Variants in LRRC4C observed in about 807,000 individuals in gnomAD.
The protein encoded by LRRC4C is leucine rich repeat containing 4C.
LRRC4C carries 5 observed loss-of-function variants against 33.6 expected under a neutral mutation model. The ratio of observed to expected loss-of-function variants is 0.15; its 90% CI spans 0.08 to 0.31. The LOEUF is 0.31. LRRC4C is among the 10% of genes least tolerant of loss of function. The pLI is 1.00. For synonymous variants in LRRC4C, 329 were observed against 302.0 expected (o/e 1.09, Z -0.93); for missense variants, 560 against 796.7 (o/e 0.70, Z 3.58).
At chr11:40,750,412 T>A (rs902830512) in intron 2 of LRRC4C, among the ~76,000 whole-genome samples, 2 of 151,444 alleles carry the variant, frequency 1.3e-5, no homozygotes, top group Non-Finnish European at 2.9e-5. Context: ...AAAAGAAAAC[T>A]AACAATGATA....
intron 1 of LRRC4C, among the ~76,000 whole-genome samples, chr11:41,032,589 G>T (rs1000747244): frequency 1.3e-5 from 2 of 151,704 alleles, no homozygotes; most frequent in African/African-American, 4.8e-5. Context: ...TTCATCAATG[G>T]GTCTGACTGG....
intron 2 of LRRC4C, among the ~76,000 whole-genome samples, chr11:40,858,024 AAGGGAAG>A (rs1565140791): frequency 2.3e-5 from 3 of 128,332 alleles, no homozygotes; most frequent in African/African-American, 9.1e-5. Flanking sequence ...AAAGGAAGGG[AAGGGAAG>A]GGAAGGGAAG....
chr11:41,018,979 A>G (rs1855775442), intron 1 of LRRC4C, among the ~76,000 whole-genome samples: 1 of 152,172 alleles, frequency 6.6e-6, no homozygotes, highest in Non-Finnish European at 1.5e-5. Flanking sequence ...AAGATATAGA[A>G]TATTTACTTC....
chr11:40,434,257 C>G (rs895262912), intron 3 of LRRC4C, among the ~76,000 whole-genome samples: 1 of 152,110 alleles, frequency 6.6e-6, no homozygotes, highest in Non-Finnish European at 1.5e-5. Context: ...CAGGCAGACA[C>G]AATATATGTT....
chr11:40,330,048 A>T (rs1946289739), intron 3 of LRRC4C, among the ~76,000 whole-genome samples: 1 of 152,120 alleles, frequency 6.6e-6, no homozygotes, highest in Admixed American at 6.5e-5. Flanking sequence ...GCTGGTAGTT[A>T]CTTTCTAACT....
At chr11:41,433,801 ATGTGTGTGTG>A (rs3040493) in intron 1 of LRRC4C, among the ~76,000 whole-genome samples, 1 of 149,370 alleles carries the variant, frequency 6.7e-6, no homozygotes, top group Non-Finnish European at 1.5e-5. Context: ...TCCCATATAT[ATGTGTGTGTG>A]TGTGTGTGTG....
intron 3 of LRRC4C, among the ~76,000 whole-genome samples, chr11:40,592,374 C>T (rs1327732016): frequency 6.6e-6 from 1 of 152,148 alleles, no homozygotes; most frequent in Non-Finnish European, 1.5e-5. Context: ...AGCCCCATTC[C>T]TGGAGTTTCT....
intron 1 of LRRC4C, among the ~76,000 whole-genome samples, chr11:41,416,257 C>T (rs768547316): frequency 6.6e-6 from 1 of 152,048 alleles, no homozygotes; most frequent in African/African-American, 2.4e-5. Flanking sequence ...CACCGTTTTA[C>T]ATGGGAGCTA....
intron 5 of LRRC4C, among the ~76,000 whole-genome samples, chr11:40,222,986 C>T (rs1488969223): frequency 2.8e-5 from 4 of 141,478 alleles, no homozygotes; most frequent in South Asian, 2.1e-4. Context: ...GAACAGTGAG[C>T]GGTCTCATTG....
chr11:40,276,976 T>C (rs1353402693), intron 4 of LRRC4C, among the ~76,000 whole-genome samples: 2 of 152,160 alleles, frequency 1.3e-5, no homozygotes, highest in African/African-American at 4.8e-5. Flanking sequence ...TATCACTATA[T>C]CTCTTCCTGC....
At chr11:40,913,001 C>G (rs1051873438) in intron 2 of LRRC4C, among the ~76,000 whole-genome samples, 4 of 152,170 alleles carry the variant, frequency 2.6e-5, no homozygotes, top group African/African-American at 9.7e-5. Context: ...AGCTAACTAT[C>G]CTAAATATAT....
intron 2 of LRRC4C, among the ~76,000 whole-genome samples, chr11:40,711,467 G>A (rs948715081): frequency 3.9e-5 from 6 of 152,050 alleles, no homozygotes; most frequent in African/African-American, 1.4e-4. Flanking sequence ...TGTATAAATT[G>A]GTTATTAGAA....
intron 1 of LRRC4C, among the ~76,000 whole-genome samples, chr11:40,965,454 C>A (rs932474543): frequency 3.3e-5 from 5 of 152,076 alleles, no homozygotes; most frequent in African/African-American, 1.2e-4. Context: ...ATGCCTATGT[C>A]CTGAATGGTA....
chr11:40,806,593 A>G (rs1591770951), intron 2 of LRRC4C, among the ~76,000 whole-genome samples: 1 of 152,344 alleles, frequency 6.6e-6, no homozygotes, highest in African/African-American at 2.4e-5. Flanking sequence ...AAAACCTGCT[A>G]TTGATGGAAC....
chr11:41,457,001 G>A (rs1190820204), intron 1 of LRRC4C, among the ~76,000 whole-genome samples: 1 of 152,100 alleles, frequency 6.6e-6, no homozygotes, highest in Non-Finnish European at 1.5e-5. Flanking sequence ...TCTATTACTA[G>A]CCTAAAATAA....
At chr11:41,036,712 AT>A (rs1172781776) in intron 1 of LRRC4C, among the ~76,000 whole-genome samples, 1 of 152,218 alleles carries the variant, frequency 6.6e-6, no homozygotes, top group African/African-American at 2.4e-5. Context: ...CAAAGATTTT[AT>A]TTAATTCATT....
Position 40,971,080 on chromosome 11 carries a change from A to G in LRRC4C, c.-495-37357T>C, listed in dbSNP as rs191489235. Reference sequence around the variant, plus strand: ...TGGAAAATTTGCAGCCTGGCCATGCAGTAGAAAAGAAAAACTCAGTTTCTG... The same window carrying G: ...TGGAAAATTTGCAGCCTGGCCATGCGGTAGAAAAGAAAAACTCAGTTTCTG... On this transcript the variant is annotated intron_variant, in intron 1 of 6. Coordinates refer to ENST00000528697, the MANE Select transcript of LRRC4C (RefSeq NM_001258419.2). Among the ~76,000 whole-genome samples the G allele has an allele frequency of 4.6e-5, 7 of 152,332 alleles. No homozygotes were observed. The East Asian group carries it at 1.4e-3, about 29-fold the overall frequency.
intron 1 of LRRC4C, among the ~76,000 whole-genome samples, chr11:41,090,215 A>G (rs1031073768): frequency 3.9e-5 from 6 of 152,136 alleles, no homozygotes; most frequent in Non-Finnish European, 4.4e-5. Flanking sequence ...AGGGAGAGAT[A>G]TAAAGAGTAT....
intron 1 of LRRC4C, among the ~76,000 whole-genome samples, chr11:41,126,844 TC>T (rs1208467832): frequency 6.6e-6 from 1 of 152,008 alleles, no homozygotes; most frequent in Non-Finnish European, 1.5e-5. Flanking sequence ...AACATGAGCC[TC>T]AAATGAGCCT....
Sources: gnomAD v4.1 joint callset for allele counts (sites outside exome capture counted in the v4.1 genomes callset) on GRCh38, gnomAD v4.1.1 for gene constraint, MANE v1.5 for transcripts, NCBI Gene and HGNC (gene_info 2026-07-23, HGNC 2026-07-21) for gene names.